Variants in AGPAT3 observed in about 807,000 individuals in gnomAD.
AGPAT3 encodes 1-acyl-sn-glycerol-3-phosphate acyltransferase gamma.
AGPAT3 carries 5 observed loss-of-function variants against 47.3 expected under a neutral mutation model. The observed-to-expected ratio is 0.11, with a 90% CI of 0.06 to 0.22. The LOEUF (loss-of-function observed/expected upper bound fraction) is 0.22. AGPAT3 is among the 10% of genes least tolerant of loss of function. The pLI is 1.00. For missense variants in AGPAT3, 315 were observed against 493.0 expected (o/e 0.64, Z 3.42); for synonymous variants, 212 against 208.3 (o/e 1.02, Z -0.15).
intron 1 of AGPAT3, among the ~76,000 whole-genome samples, chr21:43,873,681 G>C (rs898163502): frequency 6.6e-6 from 1 of 152,142 alleles, no homozygotes; most frequent in African/African-American, 2.4e-5. Context: ...CCCAGCCCAA[G>C]TTGTCAGTTT....
At chr21:43,947,112 C>T (rs1017709850) in intron 2 of AGPAT3, 2 of 152,454 alleles carry the variant, frequency 1.3e-5, no homozygotes, top group African/African-American at 4.8e-5. Flanking sequence ...GCCTTCCCAT[C>T]CTGGGCCACC....
At chr21:43,950,285 A>G (rs376632052) in intron 2 of AGPAT3, among the ~76,000 whole-genome samples, 3 of 152,232 alleles carry the variant, frequency 2.0e-5, no homozygotes, top group South Asian at 2.1e-4. Context: ...AGGCTACACA[A>G]TCGTCTGCAC....
At chr21:43,874,723 T>G (rs1231246192) in intron 1 of AGPAT3, among the ~76,000 whole-genome samples, 1 of 152,250 alleles carries the variant, frequency 6.6e-6, no homozygotes, top group Non-Finnish European at 1.5e-5. Flanking sequence ...TCAACTTGAC[T>G]GTGGTCTTTC....
chr21:43,886,160 T>TAGGGG (rs2085972585), intron 1 of AGPAT3, among the ~76,000 whole-genome samples: 2 of 152,162 alleles, frequency 1.3e-5, no homozygotes, highest in African/African-American at 4.8e-5. Flanking sequence ...AGCTGATGGT[T>TAGGGG]AGGGGAGGGA....
Position 43,984,158 on chromosome 21 carries a change from T to C in AGPAT3, c.*1766T>C, listed in dbSNP as rs1372585251. The stretch of plus-strand genomic sequence containing the variant: ...ACCAACGACACCATGCGAGACACGC[T>C]TGCAGACACTGTTGTTTTGGAAATG... On this transcript the variant is annotated 3_prime_UTR_variant, in exon 10 of 10. Coordinates refer to ENST00000291572, the MANE Select transcript of AGPAT3 (RefSeq NM_020132.5). The C allele has an allele frequency of 6.6e-6, 1 of 152,288 alleles. No individual in the cohort carries two copies. The highest frequency in any genetic ancestry group is 1.9e-4 in the East Asian group (1 of 5,192). The allele number at this position is 152,288 out of a possible 1,614,324, so 9.4% of individuals were successfully genotyped here.
intron 8 of AGPAT3, among the ~76,000 whole-genome samples, chr21:43,979,063 C>T (rs573797613): frequency 2.6e-5 from 4 of 152,046 alleles, no homozygotes; most frequent in South Asian, 4.2e-4. Flanking sequence ...TTTGGGAGGC[C>T]GAGGTGGGCA....
chr21:43,958,089 AGATT>A (rs2088579634), intron 2 of AGPAT3, among the ~76,000 whole-genome samples: 2 of 152,256 alleles, frequency 1.3e-5, no homozygotes, highest in South Asian at 4.1e-4. Context: ...CTGTTTGCAG[AGATT>A]GATTGTGCAG....
At position 43,872,957 on chromosome 21, in the gene AGPAT3, C is replaced by T. The variant is rs117737619; in HGVS notation, c.-112+7612C>T. ...CCACTGTCATGGGTCACCGGGAAGACGCAGAAACAAAACCACAGAGAGCTG... is the reference window on the plus strand; with the variant it reads ...CCACTGTCATGGGTCACCGGGAAGATGCAGAAACAAAACCACAGAGAGCTG... On this transcript the variant is annotated intron_variant, in intron 1 of 9. Coordinates refer to ENST00000291572, the MANE Select transcript of AGPAT3 (RefSeq NM_020132.5). 3.0e-3 allele frequency among the ~76,000 whole-genome samples: 454 copies of T among 152,346 alleles called. 8 individuals carry two copies. Among genetic ancestry groups the T allele is most frequent in the Admixed American group, 0.023 (346 of 15,306 alleles).
chr21:43,907,577 C>A lies in AGPAT3; in HGVS notation c.-49+3558C>A, dbSNP rs543173890. Among the ~76,000 whole-genome samples the A allele has an allele frequency of 2.6e-5, 4 of 151,944 alleles. No individual in the cohort carries two copies. The East Asian group carries it at 7.7e-4, about 29-fold the overall frequency. ...CTAAAAATACAAAAAATTAGCTGGGCGTGGTGGCGGGCACTTGTAGTCCCA... is the reference window on the plus strand; with the variant it reads ...CTAAAAATACAAAAAATTAGCTGGGAGTGGTGGCGGGCACTTGTAGTCCCA... On this transcript the variant is annotated intron_variant, in intron 2 of 9. Transcript: ENST00000291572.
In AGPAT3 at chr21:43,931,219, T is replaced by C. The variant is rs114020928; in HGVS notation, c.-49+27200T>C. ...ACACCTGTGTGCTGGACCTCCCACG[T>C]TCCCCGCATCTGGTGCTAGTGACGT... On this transcript the variant is annotated intron_variant, in intron 2 of 9. Transcript: ENST00000291572. Among the ~76,000 whole-genome samples, 827 of 152,256 alleles carry C rather than the reference T, an allele frequency of 5.4e-3. 7 individuals carry two copies. The highest frequency in any genetic ancestry group is 0.019 in the African/African-American group (781 of 41,558).
intron 1 of AGPAT3, among the ~76,000 whole-genome samples, chr21:43,889,702 C>T (rs1000982573): frequency 2.0e-5 from 3 of 152,184 alleles, no homozygotes; most frequent in African/African-American, 7.2e-5. Flanking sequence ...AGTTATGTTT[C>T]TGCTATACTG....
chr21:43,910,157 C>T (rs1402659580), intron 2 of AGPAT3, among the ~76,000 whole-genome samples: 1 of 152,216 alleles, frequency 6.6e-6, no homozygotes, highest in African/African-American at 2.4e-5. Flanking sequence ...ACACAGAGGA[C>T]AGAGAGGGAT....
chr21:43,898,663 A>G (rs796805545), intron 1 of AGPAT3, among the ~76,000 whole-genome samples: 13 of 152,192 alleles, frequency 8.5e-5, no homozygotes, highest in African/African-American at 3.1e-4. Context: ...AGTAGCTGGG[A>G]TTACAGGCAC....
Position 43,955,543 on chromosome 21 carries a change from C to T in AGPAT3, c.-48-4091C>T, listed in dbSNP as rs558575549. 6.6e-6 allele frequency among the ~76,000 whole-genome samples: 1 copy of T among 152,130 alleles called. No homozygotes were observed. The highest frequency in any genetic ancestry group is 2.1e-4 in the South Asian group (1 of 4,814). ...TCCCAGGTTCAAGCTATTTTCCTGCCTCGGCCTCCCAAAGTGCTCAGATTA... is the reference window on the plus strand; with the variant it reads ...TCCCAGGTTCAAGCTATTTTCCTGCTTCGGCCTCCCAAAGTGCTCAGATTA... On this transcript the variant is annotated intron_variant, in intron 2 of 9. Transcript: ENST00000291572. The surrounding 1 kb of genome is among the most constrained non-coding windows in gnomAD (Gnocchi z 4.1).
At chr21:43,931,922 C>CGTGT (rs55978822) in intron 2 of AGPAT3, among the ~76,000 whole-genome samples, 2,959 of 145,686 alleles carry the variant, frequency 0.02, 102 homozygotes, top group African/African-American at 0.068. Context: ...AAGAGGATCT[C>CGTGT]GTGTGTGTGT....
rs984903968 is a variant in AGPAT3 at position 43,986,470 on chromosome 21, C to T, written c.*4078C>T. The T allele has an allele frequency of 2.0e-5, 3 of 152,636 alleles. No homozygotes were observed. The highest frequency in any genetic ancestry group is 4.4e-5 in the Non-Finnish European group (3 of 68,048). 9.5% of individuals were successfully genotyped at this position (152,636 alleles called of 1,614,324 possible). Reference sequence around the variant, plus strand: ...CACAAGTATTTGGACAGAAGTCGAACTGTGAATGAGATACTGAAATGCACT... The same window carrying T: ...CACAAGTATTTGGACAGAAGTCGAATTGTGAATGAGATACTGAAATGCACT... On this transcript the variant is annotated 3_prime_UTR_variant, in exon 10 of 10. Transcript: ENST00000291572.
intron 1 of AGPAT3, chr21:43,867,538 G>C (rs1326905106): frequency 6.6e-6 from 1 of 152,298 alleles, no homozygotes; most frequent in African/African-American, 2.4e-5. Flanking sequence ...AGAGCCCCTA[G>C]TGCTTGGCAC....
intron 2 of AGPAT3, among the ~76,000 whole-genome samples, chr21:43,916,098 G>A (rs551884624): frequency 2.6e-5 from 4 of 152,120 alleles, no homozygotes; most frequent in African/African-American, 4.8e-5. Flanking sequence ...AGGGAATATT[G>A]TTTGTATTTT....
chr21:43,959,671 T>A lies in AGPAT3; in HGVS notation c.-11T>A. 1 of 1,612,104 alleles carries A rather than the reference T, an allele frequency of 6.2e-7. No individual in the cohort carries two copies. On this transcript the variant is annotated 5_prime_UTR_variant, in exon 3 of 10. Transcript: ENST00000291572. The stretch of plus-strand genomic sequence containing the variant: ...CAGCGAGGGGCCGTGCACCCGCTCC[T>A]GAGCAGCGCCATGGGCCTGCTGGCC...
Sources: gnomAD v4.1 joint callset for allele counts (sites outside exome capture counted in the v4.1 genomes callset) on GRCh38, gnomAD v4.1.1 for gene constraint, Gnocchi (gnomAD v3.1) non-coding constraint, MANE v1.5 for transcripts, NCBI Gene and HGNC (gene_info 2026-07-23, HGNC 2026-07-21) for gene names.